The following CSMD1 variants were observed in gnomAD, a reference collection of about 807,000 sequenced individuals.
The protein encoded by CSMD1 is CUB and sushi domain-containing protein 1.
A neutral mutation model predicts 417.5 loss-of-function variants in CSMD1; 213 were observed. That is an observed-to-expected ratio of 0.51 (90% confidence interval 0.46 to 0.57). The LOEUF (loss-of-function observed/expected upper bound fraction) is 0.57. Ranked by LOEUF, CSMD1 falls within the 20% of genes least tolerant of loss-of-function variation. The pLI, the probability that CSMD1 is intolerant of heterozygous loss-of-function variation, is 0.00. For synonymous variants in CSMD1, 2,862 were observed against 1,736.8 expected (o/e 1.65, Z -16.11); for missense variants, 6,923 against 4,529.7 (o/e 1.53, Z -15.17).
intron 7 of CSMD1, among the ~76,000 whole-genome samples, chr8:3,655,905 G>C (rs77473063): frequency 6.1e-4 from 93 of 152,298 alleles, no homozygotes; most frequent in Non-Finnish European, 1.1e-3. Context: ...CTTAATCCTT[G>C]TGATGCCAGG....
chr8:4,646,907 A>G (rs987861282), intron 1 of CSMD1, among the ~76,000 whole-genome samples: 4 of 152,172 alleles, frequency 2.6e-5, no homozygotes, highest in Non-Finnish European at 5.9e-5. Context: ...AGATTTTTTT[A>G]ACCTCATCAA....
chr8:3,879,083 G>A (rs1017388284), intron 5 of CSMD1, among the ~76,000 whole-genome samples: 2 of 152,076 alleles, frequency 1.3e-5, no homozygotes, highest in African/African-American at 4.8e-5. Context: ...TTATTCTGGG[G>A]TACCCAAGCA....
At chr8:3,367,702 T>C (rs1000631809) in intron 19 of CSMD1, among the ~76,000 whole-genome samples, 71 of 152,114 alleles carry the variant, frequency 4.7e-4, no homozygotes, top group Non-Finnish European at 9.3e-4. Flanking sequence ...ATGATGTAAA[T>C]ATGAAGATAT....
chr8:3,853,865 ATTATACT>A, intron 5 of CSMD1, among the ~76,000 whole-genome samples: 1 of 147,726 alleles, frequency 6.8e-6, no homozygotes, highest in African/African-American at 2.5e-5. Context: ...AACTTAATAT[ATTATACT>A]TTAATATATT....
chr8:4,945,240 T>G lies in CSMD1; in HGVS notation c.85+49092A>C, dbSNP rs1808290508. Among the ~76,000 whole-genome samples, 6 of 152,204 alleles carry G rather than the reference T, an allele frequency of 3.9e-5. No individual in the cohort carries two copies. In the South Asian group the frequency reaches 1.2e-3, roughly 32 times the overall value. On this transcript the variant is annotated intron_variant, in intron 1 of 69. Coordinates refer to ENST00000635120, the MANE Select transcript of CSMD1 (RefSeq NM_033225.6). ...AAGTAGAATGGTGATTGCCAGAGGC[T>G]GTGGAAGGGAACATGGGGAGTTACT...
At chr8:4,523,126 T>C (rs559859114) in intron 2 of CSMD1, among the ~76,000 whole-genome samples, 1 of 152,332 alleles carries the variant, frequency 6.6e-6, no homozygotes, top group South Asian at 2.1e-4. Flanking sequence ...ATTCTCATTA[T>C]ACATCCTTTG....
intron 1 of CSMD1, among the ~76,000 whole-genome samples, chr8:4,969,206 T>C (rs967377722): frequency 1.3e-5 from 2 of 152,158 alleles, no homozygotes; most frequent in Non-Finnish European, 2.9e-5. Flanking sequence ...TGCTCACTGC[T>C]ATGCTAGTGA....
At chr8:3,874,563 C>T (rs1805690171) in intron 5 of CSMD1, among the ~76,000 whole-genome samples, 2 of 152,144 alleles carry the variant, frequency 1.3e-5, no homozygotes, top group African/African-American at 4.8e-5. Context: ...GGAGATGTTG[C>T]TGCCTCTGTG....
At chr8:3,912,603 G>C (rs1289085433) in intron 5 of CSMD1, among the ~76,000 whole-genome samples, 4 of 152,190 alleles carry the variant, frequency 2.6e-5, no homozygotes, top group East Asian at 1.9e-4. Flanking sequence ...AAAAGAGAGA[G>C]AAGGAGCTAA....
intron 4 of CSMD1, among the ~76,000 whole-genome samples, chr8:3,998,757 T>C (rs543679959): frequency 6.6e-6 from 1 of 151,908 alleles, no homozygotes; most frequent in Non-Finnish European, 1.5e-5. Flanking sequence ...ATTAAAAAAT[T>C]ATTGGTTAGA....
intron 1 of CSMD1, among the ~76,000 whole-genome samples, chr8:4,939,363 A>G (rs539070414): frequency 6.6e-6 from 1 of 152,348 alleles, no homozygotes; most frequent in Admixed American, 6.5e-5. Flanking sequence ...CTCTAGCAGC[A>G]CTATTCATTA....
At chr8:3,304,529 G>C (rs952622722) in intron 25 of CSMD1, among the ~76,000 whole-genome samples, 4 of 152,034 alleles carry the variant, frequency 2.6e-5, no homozygotes, top group African/African-American at 9.7e-5. Flanking sequence ...TGTCAATTGA[G>C]GAAATTAAGG....
At chr8:3,751,450 T>A (rs956052898) in intron 6 of CSMD1, among the ~76,000 whole-genome samples, 4 of 148,258 alleles carry the variant, frequency 2.7e-5, no homozygotes, top group African/African-American at 9.8e-5. Flanking sequence ...TACATATAAA[T>A]GTTTATACTT....
At chr8:4,729,572 T>C (rs928322119) in intron 1 of CSMD1, among the ~76,000 whole-genome samples, 5 of 152,158 alleles carry the variant, frequency 3.3e-5, no homozygotes, top group South Asian at 2.1e-4. Context: ...AATTTCGATA[T>C]TGCTAGAGAA....
chr8:3,761,937 G>A (rs879622314), intron 5 of CSMD1, among the ~76,000 whole-genome samples: 4 of 152,042 alleles, frequency 2.6e-5, no homozygotes, highest in Admixed American at 6.6e-5. Flanking sequence ...AGCACTCTCT[G>A]AGGCACCATC....
intron 2 of CSMD1, among the ~76,000 whole-genome samples, chr8:4,598,360 G>T (rs77263419): frequency 5.9e-5 from 9 of 152,280 alleles, no homozygotes; most frequent in African/African-American, 2.2e-4. Flanking sequence ...GAGGTTAGGG[G>T]CTGGTGCCTA....
chr8:4,704,962 T>C (rs895093464), intron 1 of CSMD1, among the ~76,000 whole-genome samples: 18 of 152,164 alleles, frequency 1.2e-4, no homozygotes, highest in Non-Finnish European at 2.4e-4. Context: ...TGTGTCCAAA[T>C]CTAACTTCCA....
At chr8:4,201,404 G>C (rs909768714) in intron 3 of CSMD1, among the ~76,000 whole-genome samples, 3 of 151,726 alleles carry the variant, frequency 2.0e-5, no homozygotes, top group African/African-American at 7.3e-5. Context: ...CGGGGGTGGC[G>C]CTGGGCGCCT....
chr8:4,817,369 T>TA (rs902796855), intron 1 of CSMD1, among the ~76,000 whole-genome samples: 4 of 152,116 alleles, frequency 2.6e-5, no homozygotes, highest in African/African-American at 9.7e-5. Flanking sequence ...TATAACAAAT[T>TA]AAAAAAATGA....
Sources: allele counts gnomAD v4.1 joint callset (sites outside exome capture counted in the v4.1 genomes callset), GRCh38; gene constraint gnomAD v4.1.1; transcripts MANE v1.5; gene names NCBI Gene and HGNC (gene_info 2026-07-23, HGNC 2026-07-21).